The following MATN2 variants were observed in gnomAD, a reference collection of about 807,000 sequenced individuals.
MATN2 encodes the protein matrilin 2.
Under a neutral mutation model 103.2 loss-of-function variants are expected in MATN2, and 69 were observed. That is an observed-to-expected ratio of 0.67 (90% confidence interval 0.55 to 0.82). MATN2 has a LOEUF of 0.82. Among genes scored for constraint, MATN2 ranks in the 40% least tolerant of loss-of-function variants. MATN2 has a pLI of 0.00. For synonymous variants in MATN2, 429 were observed against 450.2 expected (o/e 0.95, Z 0.60); for missense variants, 1,023 against 1,211.5 (o/e 0.84, Z 2.31).
chr8:97,888,756 C>T (rs1055821004), intron 2 of MATN2, among the ~76,000 whole-genome samples: 7 of 152,204 alleles, frequency 4.6e-5, no homozygotes, highest in African/African-American at 1.7e-4. Flanking sequence ...TGAAAACACA[C>T]GGAAAACATG....
chr8:97,914,831 A>G (rs1487485354), intron 2 of MATN2, among the ~76,000 whole-genome samples: 4 of 152,084 alleles, frequency 2.6e-5, no homozygotes, highest in African/African-American at 9.7e-5. Flanking sequence ...ACCTAAATGC[A>G]CACCCCAGCT....
rs1017181842 is a variant in MATN2 at position 98,030,532 on chromosome 8, C to T, written c.2427C>T (p.Pro809=). 1.2e-6 allele frequency: 2 copies of T among 1,613,822 alleles called. No individual in the cohort carries two copies. The highest frequency in any genetic ancestry group is 1.7e-6 in the Non-Finnish European group (2 of 1,179,796). Residue 809 remains proline (P), a synonymous_variant, in exon 15 of 19, where the codon CCC becomes CCT. Transcript: ENST00000254898. ...EEELQEIASE[P]TNKHLFYAED... ...AACTACAAGAGATTGCCTCTGAGCCCACAAACAAGCATCTCTTCTATGCCG... is the reference window on the plus strand; with the variant it reads ...AACTACAAGAGATTGCCTCTGAGCCTACAAACAAGCATCTCTTCTATGCCG...
chr8:97,983,170 A>G (rs1043328450), intron 6 of MATN2, among the ~76,000 whole-genome samples: 2 of 152,224 alleles, frequency 1.3e-5, no homozygotes, highest in Non-Finnish European at 2.9e-5. Context: ...TTCACTTAGC[A>G]TAATGTCCTC....
At position 98,016,619 on chromosome 8, in the gene MATN2, C is replaced by T. The variant is rs773555450; in HGVS notation, c.1653C>T (p.Cys551=). 3.1e-6 allele frequency: 5 copies of T among 1,612,110 alleles called. No homozygotes were observed. The highest frequency in any genetic ancestry group is 3.4e-6 in the Non-Finnish European group (4 of 1,179,080). ...GTGAAGATTCGTTTGTGTGCCAGTG[C>T]TTTGAAGGTTATATACTCCGTGAAG... ...VSSEDSFVCQ[C]FEGYILREDG... The change falls in exon 11 of 19, where the codon TGC becomes TGT. Residue 551 remains cysteine (C), a synonymous_variant. Transcript: ENST00000254898.
chr8:97,942,779 G>C (rs960794470), intron 4 of MATN2, among the ~76,000 whole-genome samples: 18 of 152,188 alleles, frequency 1.2e-4, no homozygotes, highest in African/African-American at 4.1e-4. Context: ...AGCATTAATG[G>C]AAAGCAGTTT....
intron 13 of MATN2, among the ~76,000 whole-genome samples, chr8:98,022,624 CACCCT>C (rs1255424906): frequency 4.0e-5 from 6 of 151,508 alleles, no homozygotes; most frequent in Non-Finnish European, 8.8e-5. Flanking sequence ...CACCCCACCC[CACCCT>C]ACCCTGGAAA....
At position 98,033,044 on chromosome 8, in the gene MATN2, T is replaced by G. The variant is rs1322363556; in HGVS notation, c.2584T>G (p.Ser862Ala). ...TGCAGTTTTCTTTCTCTTTACAGAA[T>G]CTGAGCCAGTCACCATAAATATCCA... ...LPKTVQQPTE[S>A]EPVTINIQDL... Residue 862 changes from serine to alanine, a missense_variant and splice_region_variant, in exon 17 of 19, where the codon TCT becomes GCT. Physicochemically the swap from Ser to Ala is moderately conservative, Grantham distance 99. Coordinates refer to ENST00000254898, the MANE Select transcript of MATN2 (RefSeq NM_002380.5). 3 of 1,604,508 alleles carry G rather than the reference T, an allele frequency of 1.9e-6. No individual in the cohort carries two copies. Among genetic ancestry groups the G allele is most frequent in the Admixed American group, 3.5e-5 (2 of 57,500 alleles).
chr8:97,958,673 A>AGCT (rs1811213564), intron 4 of MATN2, among the ~76,000 whole-genome samples: 1 of 152,236 alleles, frequency 6.6e-6, no homozygotes, highest in African/African-American at 2.4e-5. Flanking sequence ...AATGCTTTTC[A>AGCT]TTGAACTTTG....
chr8:97,932,431 G>A (rs1810229348), intron 3 of MATN2, among the ~76,000 whole-genome samples: 3 of 152,106 alleles, frequency 2.0e-5, no homozygotes, highest in Admixed American at 2.0e-4. Flanking sequence ...TAAGATTGTA[G>A]GGGCCACTCC....
intron 2 of MATN2, among the ~76,000 whole-genome samples, chr8:97,923,273 T>C (rs1190855090): frequency 6.6e-6 from 1 of 152,212 alleles, no homozygotes; most frequent in East Asian, 1.9e-4. Flanking sequence ...GTTTTTTCTC[T>C]GTCCCTTTAG....
intron 7 of MATN2, among the ~76,000 whole-genome samples, chr8:97,996,043 A>AG (rs1261205914): frequency 1.3e-5 from 2 of 152,336 alleles, no homozygotes; most frequent in Non-Finnish European, 2.9e-5. Context: ...GGCTGCACCC[A>AG]GGGGAAATCA....
intron 1 of MATN2, among the ~76,000 whole-genome samples, chr8:97,870,807 A>G (rs535616486): frequency 1.3e-5 from 2 of 152,266 alleles, no homozygotes; most frequent in South Asian, 2.1e-4. Flanking sequence ...CAAAATACCA[A>G]CATGGGTTTA....
At position 98,036,602 on chromosome 8, in the gene MATN2, A is replaced by AACTT. The variant is rs1254836979; in HGVS notation, c.*892_*895dup. On this transcript the variant is annotated 3_prime_UTR_variant, in exon 19 of 19. Transcript: ENST00000254898. ...TTTGTAAAAGCAAAAAATAAGGAAC[A>AACTT]ACTTAAACATCATCAGAAGGGGAAC... 6.6e-6 allele frequency: 1 copy of AACTT among 152,234 alleles called. No individual in the cohort carries two copies. Among genetic ancestry groups the AACTT allele is most frequent in the East Asian group, 1.9e-4 (1 of 5,204 alleles). 9.4% of individuals were successfully genotyped at this position (152,234 alleles called of 1,614,324 possible).
chr8:97,891,237 G>T (rs1035397211), intron 2 of MATN2, among the ~76,000 whole-genome samples: 1 of 152,214 alleles, frequency 6.6e-6, no homozygotes, highest in Non-Finnish European at 1.5e-5. Flanking sequence ...CTACATTATA[G>T]CTCAACTCTG....
intron 2 of MATN2, among the ~76,000 whole-genome samples, chr8:97,894,166 G>C (rs945180191): frequency 2.0e-5 from 3 of 152,006 alleles, no homozygotes; most frequent in Admixed American, 2.0e-4. Context: ...TCAGGGGATG[G>C]TAGGGCCTGA....
At chr8:98,031,076 C>A (rs1025885345) in intron 15 of MATN2, among the ~76,000 whole-genome samples, 1 of 152,194 alleles carries the variant, frequency 6.6e-6, no homozygotes, top group African/African-American at 2.4e-5. Context: ...ATGGTTCCCA[C>A]CTGTAACCCA....
intron 14 of MATN2, among the ~76,000 whole-genome samples, chr8:98,028,544 G>A (rs1480169824): frequency 1.1e-4 from 16 of 152,116 alleles, no homozygotes; most frequent in Admixed American, 1.0e-3. Flanking sequence ...TAGATTCCTT[G>A]AGGGAGATAA....
In MATN2 at chr8:97,994,481, G is replaced by A. The variant is rs2130355659; in HGVS notation, c.1083G>A (p.Lys361=). ...ALNPDKKTCT[K]IDYCASSNHG... ...CTTGTGATTTTTCCTTCTTGCCAGA[G>A]ATAGACTACTGTGCCTCATCTAATC... The change falls in exon 7 of 19, where the codon AAG becomes AAA. Residue 361 remains lysine (K), a splice_region_variant and synonymous_variant. Transcript: ENST00000254898. 4 of 1,605,120 alleles carry A rather than the reference G, an allele frequency of 2.5e-6. No individual in the cohort carries two copies. The highest frequency in any genetic ancestry group is 3.4e-6 in the Non-Finnish European group (4 of 1,177,278).
rs759658808 is a variant in MATN2, at chr8:97,994,519, A to G, written c.1121A>G (p.His374Arg). 2 of 1,613,478 alleles carry G rather than the reference A, an allele frequency of 1.2e-6. No homozygotes were observed. Among genetic ancestry groups the G allele is most frequent in the South Asian group, 2.2e-5 (2 of 90,964 alleles). The change falls in exon 7 of 19, where the codon CAC becomes CGC. Residue 374 changes from histidine to arginine, a missense_variant. Physicochemically the swap from His to Arg is conservative, Grantham distance 29. Transcript: ENST00000254898. Reference protein sequence around the residue: ...YCASSNHGCQHECVNTDDSYS... With the variant: ...YCASSNHGCQRECVNTDDSYS... ...GCCTCATCTAATCACGGATGTCAGC[A>G]CGAGTGTGTTAACACAGATGATTCC...
Sources: allele counts gnomAD v4.1 joint callset (sites outside exome capture counted in the v4.1 genomes callset), GRCh38; gene constraint gnomAD v4.1.1; transcripts MANE v1.5; gene names NCBI Gene and HGNC (gene_info 2026-07-23, HGNC 2026-07-21).